The following ZFAND3 variants were observed in gnomAD, a reference collection of about 807,000 sequenced individuals.
ZFAND3 encodes zinc finger AN1-type containing 3, also known as AN1-type zinc finger protein 3.
ZFAND3 carries 10 observed loss-of-function variants against 29.6 expected under a neutral mutation model. The ratio of observed to expected loss-of-function variants is 0.34; its 90% CI spans 0.21 to 0.57. The LOEUF (loss-of-function observed/expected upper bound fraction) is 0.57, where lower values mean the gene tolerates loss of function less well. ZFAND3 is among the 20% of genes least tolerant of loss of function. The pLI is 0.86. For missense variants in ZFAND3, 230 were observed against 304.5 expected, an observed-to-expected ratio of 0.76 and a Z score of 1.82; for synonymous variants, 128 against 112.6, an observed-to-expected ratio of 1.14 and a Z score of -0.87.
intron 5 of ZFAND3, among the ~76,000 whole-genome samples, chr6:38,127,696 T>C (rs1436016731): frequency 6.9e-6 from 1 of 144,922 alleles, no homozygotes; most frequent in Non-Finnish European, 1.5e-5. Context: ...TCTCATCTCT[T>C]TTTTTTTTTT....
intron 2 of ZFAND3, among the ~76,000 whole-genome samples, chr6:37,960,433 C>T (rs1161691756): frequency 6.6e-6 from 1 of 152,204 alleles, no homozygotes; most frequent in African/African-American, 2.4e-5. Flanking sequence ...ACACCCTTTA[C>T]TTTGGACAGA....
At chr6:37,958,516 A>G (rs1026234830) in intron 2 of ZFAND3, among the ~76,000 whole-genome samples, 2 of 151,920 alleles carry the variant, frequency 1.3e-5, no homozygotes, top group African/African-American at 4.8e-5. Context: ...TGTAAATGAG[A>G]TTTTTAAAAA....
intron 2 of ZFAND3, among the ~76,000 whole-genome samples, chr6:38,000,357 T>G (rs970123938): frequency 1.6e-4 from 25 of 152,222 alleles, no homozygotes; most frequent in African/African-American, 5.5e-4. Context: ...AGATCCTGAC[T>G]GTATTTATTA....
At chr6:37,944,142 C>G (rs1007326140) in intron 2 of ZFAND3, among the ~76,000 whole-genome samples, 6 of 152,118 alleles carry the variant, frequency 3.9e-5, no homozygotes, top group Non-Finnish European at 2.9e-5. Flanking sequence ...TATGCACATG[C>G]ATACAGTTAT....
intron 2 of ZFAND3, among the ~76,000 whole-genome samples, chr6:38,022,566 A>G (rs962349976): frequency 6.6e-5 from 10 of 152,254 alleles, no homozygotes; most frequent in African/African-American, 2.4e-4. Context: ...ACAGTGCTCT[A>G]ATCCTTAAAA....
At chr6:37,951,905 T>C (rs971362772) in intron 2 of ZFAND3, among the ~76,000 whole-genome samples, 3 of 152,226 alleles carry the variant, frequency 2.0e-5, no homozygotes, top group African/African-American at 7.2e-5. Context: ...CACGAAGCGA[T>C]GTTGACTTTT....
Position 37,929,988 on chromosome 6 carries a change from A to G in ZFAND3, c.101A>G (p.Lys34Arg), listed in dbSNP as rs1235607080. The G allele has an allele frequency of 7.5e-6, 12 of 1,593,898 alleles. No individual in the cohort carries two copies. The highest frequency in any genetic ancestry group is 6.7e-5 in the African/African-American group (5 of 74,150). Residue 34 changes from lysine (K) to arginine (R), a missense_variant, in exon 2 of 6, where the codon AAA becomes AGA. Around this residue, in one of 2 missense-constraint regions of ZFAND3, gnomAD observed 180 missense variants for 202.5 expected, o/e 0.89. Transcript: ENST00000287218. The part of the protein sequence containing the change: ...GSSKTMNLCS[K>R]CFADFQKKQP... ...AGCAAGACTATGAATCTCTGTTCCA[A>G]ATGCTTTGCTGGTAAGTGCAGAAAA...
At chr6:37,851,231 C>A (rs1347918240) in intron 1 of ZFAND3, among the ~76,000 whole-genome samples, 1 of 150,876 alleles carries the variant, frequency 6.6e-6, no homozygotes, top group Admixed American at 6.6e-5. Flanking sequence ...AGGTGATCCA[C>A]CTGCCTTGGC....
chr6:37,924,371 A>G (rs1554158944), intron 1 of ZFAND3, among the ~76,000 whole-genome samples: 1 of 149,734 alleles, frequency 6.7e-6, no homozygotes, highest in Non-Finnish European at 1.5e-5. Flanking sequence ...TTCTTCATTT[A>G]ACAAGCATTT....
chr6:37,899,457 T>C (rs974011885), intron 1 of ZFAND3, among the ~76,000 whole-genome samples: 3 of 152,190 alleles, frequency 2.0e-5, no homozygotes, highest in Non-Finnish European at 1.5e-5. Context: ...ACTATTATTG[T>C]TAAAATGTGC....
At chr6:38,138,882 G>C (rs1246439479) in intron 5 of ZFAND3, among the ~76,000 whole-genome samples, 1 of 152,200 alleles carries the variant, frequency 6.6e-6, no homozygotes, top group Non-Finnish European at 1.5e-5. Context: ...TGTTTGTCAA[G>C]TAGGCCATTG....
intron 2 of ZFAND3, among the ~76,000 whole-genome samples, chr6:38,056,336 A>C (rs137933075): frequency 6.6e-6 from 1 of 152,226 alleles, no homozygotes; most frequent in Non-Finnish European, 1.5e-5. Context: ...GTTAAAAAGA[A>C]TTAATTTGTT....
chr6:38,147,554 T>C (rs1480699681), intron 5 of ZFAND3, among the ~76,000 whole-genome samples: 1 of 152,240 alleles, frequency 6.6e-6, no homozygotes, highest in Non-Finnish European at 1.5e-5. Context: ...TTTTGAGAAA[T>C]TTCCATAGCG....
chr6:38,097,101 G>A (rs1433449960), intron 4 of ZFAND3, among the ~76,000 whole-genome samples: 1 of 152,016 alleles, frequency 6.6e-6, no homozygotes, highest in Non-Finnish European at 1.5e-5. Context: ...GTTTTTGAGA[G>A]TCTCACTCTA....
At chr6:38,079,826 C>G (rs1764625743) in intron 3 of ZFAND3, among the ~76,000 whole-genome samples, 2 of 152,056 alleles carry the variant, frequency 1.3e-5, no homozygotes, top group South Asian at 4.1e-4. Flanking sequence ...CTCCTATGTC[C>G]ACCCCAATCT....
chr6:38,048,821 C>G (rs561039458), intron 2 of ZFAND3, among the ~76,000 whole-genome samples: 6 of 152,014 alleles, frequency 3.9e-5, no homozygotes, highest in Non-Finnish European at 8.8e-5. Context: ...TGTATTATAC[C>G]TCTAAACTTT....
chr6:38,032,951 C>A (rs1329062982), intron 2 of ZFAND3, among the ~76,000 whole-genome samples: 1 of 152,134 alleles, frequency 6.6e-6, no homozygotes, highest in Non-Finnish European at 1.5e-5. Flanking sequence ...TGTTGCTACT[C>A]TGTATAAGAC....
intron 2 of ZFAND3, among the ~76,000 whole-genome samples, chr6:38,051,271 G>A (rs894244926): frequency 9.9e-5 from 15 of 152,242 alleles, no homozygotes; most frequent in Non-Finnish European, 1.8e-4. Context: ...TAAAATGAAA[G>A]GCTAATAGCA....
At position 37,895,285 on chromosome 6, in the gene ZFAND3, T is replaced by G. The variant is rs919373190; in HGVS notation, c.72-34674T>G. Among the ~76,000 whole-genome samples, 3 of 151,780 alleles carry G rather than the reference T, an allele frequency of 2.0e-5. No homozygotes were observed. In the South Asian group the frequency reaches 6.2e-4, roughly 31 times the overall value. On this transcript the variant is annotated intron_variant, in intron 1 of 5. Transcript: ENST00000287218. ...ATCTGCTCTTAATTTCATCCAGTGT[T>G]TTTATCATCTCAATATAGTTTACAT...
Sources: allele counts gnomAD v4.1 joint callset (sites outside exome capture counted in the v4.1 genomes callset), GRCh38; gene constraint gnomAD v4.1.1; regional missense constraint gnomAD v4.1.1; transcripts MANE v1.5; gene names NCBI Gene and HGNC (gene_info 2026-07-23, HGNC 2026-07-21).